PLXNB1: variants seen among roughly 807,000 people sequenced by gnomAD.
PLXNB1 encodes the protein plexin-B1.
Under a neutral mutation model 209.4 loss-of-function variants are expected in PLXNB1, and 106 were observed. That is an observed-to-expected ratio of 0.51 (90% CI 0.43 to 0.59). PLXNB1 has a LOEUF of 0.59. PLXNB1 is among the 20% of genes least tolerant of loss of function. PLXNB1 has a pLI of 0.00. For missense variants in PLXNB1, 2,357 were observed against 2,853.2 expected, an observed-to-expected ratio of 0.83 and a Z score of 3.96; for synonymous variants, 1,167 against 1,183.2, an observed-to-expected ratio of 0.99 and a Z score of 0.28.
At position 48,405,635 on chromosome 3, in the gene PLXNB1, C is replaced by A; in HGVS notation, c.6303+89G>T. 1 of 1,024,882 alleles carries A rather than the reference C, an allele frequency of 9.8e-7. No individual in the cohort carries two copies. The highest frequency in any genetic ancestry group is 2.0e-5 in the Admixed American group (1 of 49,522). 63.5% of individuals were successfully genotyped at this position (1,024,882 alleles called of 1,614,324 possible). ...ACTCTGTCCCTGGGGAAGACCAAAGCCCCCAACGTGAGTCACAGGGTCAGA... is the reference window on the plus strand; with the variant it reads ...ACTCTGTCCCTGGGGAAGACCAAAGACCCCAACGTGAGTCACAGGGTCAGA... On this transcript the variant is annotated intron_variant, in intron 37 of 37. Coordinates refer to ENST00000296440, the MANE Select transcript of PLXNB1 (RefSeq NM_001130082.3). This position sits in a 1 kb window ranked among gnomAD's most constrained non-coding sequence, Gnocchi z 5.0.
Position 48,409,272 on chromosome 3 carries a change from A to T in PLXNB1, c.6087+57T>A. Reference sequence around the variant, plus strand: ...TCAGAAAAGCCTGGAATCTGAGTGCACACACAGCACTGTCCACCCTCACCC... The same window carrying T: ...TCAGAAAAGCCTGGAATCTGAGTGCTCACACAGCACTGTCCACCCTCACCC... On this transcript the variant is annotated intron_variant, in intron 34 of 37. Coordinates refer to ENST00000296440, the MANE Select transcript of PLXNB1 (RefSeq NM_001130082.3). The surrounding 1 kb of genome is among the most constrained non-coding windows in gnomAD (Gnocchi z 5.8). 6.3e-7 allele frequency: 1 copy of T among 1,585,560 alleles called. No homozygotes were observed. The highest frequency in any genetic ancestry group is 8.6e-7 in the Non-Finnish European group (1 of 1,163,108).
rs374536221 is a variant in PLXNB1 at position 48,420,744 on chromosome 3, C to A, written c.1949G>T (p.Gly650Val). Residue 650 changes from glycine to valine, a missense_variant, in exon 10 of 38, where the codon GGG becomes GTG. By Grantham distance (109) the Gly-to-Val change is moderately radical. Transcript: ENST00000296440. ...QCQACVSSRW[G>V]CNWCVWQHLC... ...GTGCTGCCAGACACACCAGTTACAC[C>A]CCCAGCGGCTGCTCACACAGGCCTG... 2.5e-6 allele frequency: 4 copies of A among 1,614,012 alleles called. No individual in the cohort carries two copies. The African/African-American group carries it at 5.3e-5, about 22-fold the overall frequency.
At position 48,407,087 on chromosome 3, in the gene PLXNB1, G is replaced by A; in HGVS notation, c.6092C>T (p.Ser2031Phe). Reference protein sequence around the residue: ...TLADHKLGRDSPINKLLYARD... With the variant: ...TLADHKLGRDFPINKLLYARD... ...TGCATACAGAAGTTTGTTGATCGGG[G>A]AGTCCTGGACATAGCAGGAGGACAG... The change falls in exon 35 of 38, where the codon TCC (serine) becomes TTC (phenylalanine). Residue 2031 changes from serine to phenylalanine, a missense_variant. By Grantham distance (155) the Ser-to-Phe change is radical. Coordinates refer to ENST00000296440, the MANE Select transcript of PLXNB1 (RefSeq NM_001130082.3). 2 of 1,614,050 alleles carry A rather than the reference G, an allele frequency of 1.2e-6. No individual in the cohort carries two copies. Among genetic ancestry groups the A allele is most frequent in the Non-Finnish European group, 1.7e-6 (2 of 1,179,934 alleles).
chr3:48,420,547 C>A (rs1028723935), intron 10 of PLXNB1, 118 bp downstream of exon 10: 42 of 792,956 alleles, frequency 5.3e-5, no homozygotes, highest in Non-Finnish European at 7.1e-5. Flanking sequence ...TCACATACAG[C>A]GGCTCTGGTG....
At chr3:48,427,777 C>T (rs927659615) in intron 1 of PLXNB1, among the ~76,000 whole-genome samples, 1 of 152,212 alleles carries the variant, frequency 6.6e-6, no homozygotes, top group Non-Finnish European at 1.5e-5. Flanking sequence ...CATCCTCTCC[C>T]TGGGGAGCCT....
Position 48,416,510 on chromosome 3 carries a change from C to T in PLXNB1, c.3375-59G>A. 2 of 1,131,194 alleles carry T rather than the reference C, an allele frequency of 1.8e-6. No individual in the cohort carries two copies. 70.1% of individuals were successfully genotyped at this position (1,131,194 alleles called of 1,614,324 possible). On this transcript the variant is annotated intron_variant, in intron 16 of 37. Transcript: ENST00000296440. This position sits in a 1 kb window ranked among gnomAD's most constrained non-coding sequence, Gnocchi z 4.1. ...CTGCATCAAGGGCCCCTCAAGCTTA[C>T]CTGGCAGCCCCTCTCCCTGCCCTAC...
chr3:48,420,120 C>T lies in PLXNB1; in HGVS notation c.2166G>A (p.Ser722=), dbSNP rs553300699. 11 of 1,611,616 alleles carry T rather than the reference C, an allele frequency of 6.8e-6. No homozygotes were observed. Among genetic ancestry groups the T allele is most frequent in the South Asian group, 6.6e-5 (6 of 90,942 alleles). Residue 722 remains serine, a synonymous_variant, in exon 11 of 38, where the codon TCG becomes TCA. Coordinates refer to ENST00000296440, the MANE Select transcript of PLXNB1 (RefSeq NM_001130082.3). ...EPGAPSTATA[S]DISPGASPSL... is the part of the protein sequence containing the mutation. ...AAGGACTAGCCCCAGGTGAGATGTC[C>T]GAAGCTGTGGCTGTGGAGGGAGCCC...
chr3:48,423,405 A>T, intron 3 of PLXNB1, 100 bp downstream of exon 3: 1 of 1,309,250 alleles, frequency 7.6e-7, no homozygotes, highest in Non-Finnish European at 1.1e-6. Flanking sequence ...TCCTCGTGCT[A>T]CCACCAGCTG....
Position 48,409,481 on chromosome 3 carries a change from G to A in PLXNB1, c.5940-5C>T, listed in dbSNP as rs367725248. On this transcript the variant is annotated splice_polypyrimidine_tract_variant and splice_region_variant and intron_variant, in intron 33 of 37. Coordinates refer to ENST00000296440, the MANE Select transcript of PLXNB1 (RefSeq NM_001130082.3). This position sits in a 1 kb window ranked among gnomAD's most constrained non-coding sequence, Gnocchi z 5.8. ...ATCCAGAACCTCAGAGGCAAGCTGCGGGTGGGGCAGGCATGGCCGATGAAT... is the reference window on the plus strand; with the variant it reads ...ATCCAGAACCTCAGAGGCAAGCTGCAGGTGGGGCAGGCATGGCCGATGAAT... The A allele has an allele frequency of 3.9e-5, 63 of 1,613,978 alleles. No homozygotes were observed. The highest frequency in any genetic ancestry group is 3.3e-4 in the Middle Eastern group (2 of 6,084).
chr3:48,418,032 C>G lies in PLXNB1; in HGVS notation c.3253G>C (p.Gly1085Arg). Residue 1085 changes from glycine (G) to arginine (R), a missense_variant, in exon 16 of 38, where the codon GGC becomes CGC. Coordinates refer to ENST00000296440, the MANE Select transcript of PLXNB1 (RefSeq NM_001130082.3). This position sits in a 1 kb window ranked among gnomAD's most constrained non-coding sequence, Gnocchi z 6.6. Reference protein sequence around the residue: ...VEPLTGPVDGGTRVTIRGSNL... With the variant: ...VEPLTGPVDGRTRVTIRGSNL... ...GAGCCCCTGATGGTGACACGGGTGC[C>G]TCCGTCTACAGGCCCAGTCAGTGGC... The G allele has an allele frequency of 2.5e-6, 4 of 1,613,476 alleles. No homozygotes were observed. The highest frequency in any genetic ancestry group is 3.4e-6 in the Non-Finnish European group (4 of 1,179,990).
chr3:48,412,149 T>C lies in PLXNB1; in HGVS notation c.5100+89A>G, dbSNP rs1240341194. On this transcript the variant is annotated intron_variant, in intron 27 of 37. Coordinates refer to ENST00000296440, the MANE Select transcript of PLXNB1 (RefSeq NM_001130082.3). The stretch of plus-strand genomic sequence containing the variant: ...GCAGGAGTCTCTGCTCTGGCACAAG[T>C]GTCCGAGCTGCATGGTGGCTGAGGG... 8.7e-6 allele frequency: 13 copies of C among 1,499,516 alleles called. No homozygotes were observed. In the East Asian group the frequency reaches 2.9e-4, roughly 34 times the overall value. 92.9% of individuals were successfully genotyped at this position (1,499,516 alleles called of 1,614,324 possible). A position where few individuals can be genotyped will look rare whatever the true frequency, so the allele number is the denominator to read the frequency against.
At position 48,405,209 on chromosome 3, in the gene PLXNB1, A is replaced by G. The variant is rs1274689692; in HGVS notation, c.6303+515T>C. Among the ~76,000 whole-genome samples the G allele has an allele frequency of 6.6e-6, 1 of 152,184 alleles. No homozygotes were observed. The highest frequency in any genetic ancestry group is 1.5e-5 in the Non-Finnish European group (1 of 68,024). On this transcript the variant is annotated intron_variant, in intron 37 of 37. Coordinates refer to ENST00000296440, the MANE Select transcript of PLXNB1 (RefSeq NM_001130082.3). The surrounding 1 kb of genome is among the most constrained non-coding windows in gnomAD (Gnocchi z 5.0). ...GCAATAGCCATGTCACTGGTGCCAC[A>G]CAAACATCTAAGTGGACTATTCCAC...
In PLXNB1 at chr3:48,423,672, C is replaced by T; in HGVS notation, c.940G>A (p.Gly314Arg). Residue 314 changes from glycine (G) to arginine (R), a missense_variant, in exon 3 of 38, where the codon GGG (glycine) becomes AGG (arginine). By Grantham distance (125) the Gly-to-Arg change is moderately radical (BLOSUM62 -2). Transcript: ENST00000296440. ...CAGAGGGCAGAGGCTCCAGATGCCC[C>T]AGCAGCCGCCGATGGGGGCCGGCCC... ...TVGRPPSAAA[G>R]ASGASALCAF... The T allele has an allele frequency of 6.2e-7, 1 of 1,613,348 alleles. No individual in the cohort carries two copies. Among genetic ancestry groups the T allele is most frequent in the Non-Finnish European group, 8.5e-7 (1 of 1,179,834 alleles).
Position 48,404,607 on chromosome 3 carries a change from T to C in PLXNB1, c.6304-17A>G, listed in dbSNP as rs752358457. The C allele has an allele frequency of 1.9e-6, 3 of 1,562,410 alleles. No individual in the cohort carries two copies. Among genetic ancestry groups the C allele is most frequent in the Admixed American group, 1.7e-5 (1 of 58,438 alleles). On this transcript the variant is annotated splice_polypyrimidine_tract_variant and intron_variant, in intron 37 of 37. Coordinates refer to ENST00000296440, the MANE Select transcript of PLXNB1 (RefSeq NM_001130082.3). ...AGTGATGATCTGAAACAGAGACCAATGCCATCAGGGGAGACTTCTTTGGCC... is the reference window on the plus strand; with the variant it reads ...AGTGATGATCTGAAACAGAGACCAACGCCATCAGGGGAGACTTCTTTGGCC...
In PLXNB1 at chr3:48,404,462, C is replaced by T. The variant is rs370593111; in HGVS notation, c.*24G>A. 263 of 1,527,322 alleles carry T rather than the reference C, an allele frequency of 1.7e-4. No homozygotes were observed. Among genetic ancestry groups the T allele is most frequent in the Non-Finnish European group, 2.2e-4 (248 of 1,104,344 alleles). 94.6% of individuals were successfully genotyped at this position (1,527,322 alleles called of 1,614,324 possible). On this transcript the variant is annotated 3_prime_UTR_variant, in exon 38 of 38. Coordinates refer to ENST00000296440, the MANE Select transcript of PLXNB1 (RefSeq NM_001130082.3). The stretch of plus-strand genomic sequence containing the variant: ...GGCTGCCCAGGCCAGGCTGAAGCAA[C>T]AGCAGGCCGTGGCTCCTGGGTTCCT...
Position 48,413,217 on chromosome 3 carries a change from GC to G in PLXNB1, c.4536-49del. The stretch of plus-strand genomic sequence containing the variant: ...GAGGATGGCCAGATGAGTCCTACTC[GC>G]CCAGGCCTGCCTGACAATCCCCAGG... On this transcript the variant is annotated intron_variant, in intron 23 of 37. Coordinates refer to ENST00000296440, the MANE Select transcript of PLXNB1 (RefSeq NM_001130082.3). The surrounding 1 kb of genome is among the most constrained non-coding windows in gnomAD (Gnocchi z 5.4). The G allele has an allele frequency of 7.0e-7, 1 of 1,424,150 alleles. No individual in the cohort carries two copies. The allele number at this position is 1,424,150 out of a possible 1,614,324, so 88.2% of individuals were successfully genotyped here.
rs1366270038 is a variant in PLXNB1, at chr3:48,420,945, C to T, written c.1822G>A (p.Val608Met). 8.7e-6 allele frequency: 14 copies of T among 1,612,934 alleles called. No individual in the cohort carries two copies. Among genetic ancestry groups the T allele is most frequent in the Admixed American group, 1.7e-5 (1 of 59,976 alleles). Residue 608 changes from valine (V) to methionine (M), a missense_variant, in exon 9 of 38, where the codon GTG becomes ATG. Physicochemically the swap from Val to Met is conservative, Grantham distance 21. This residue lies in a region of PLXNB1 where 214 missense variants were observed against 297.1 expected (regional missense o/e 0.72). Coordinates refer to ENST00000296440, the MANE Select transcript of PLXNB1 (RefSeq NM_001130082.3). ...GCGCCAAATCTGAGCTCCACGCTCACGGATACGTAGTCTGCAGAGGGGGAG... is the reference window on the plus strand; with the variant it reads ...GCGCCAAATCTGAGCTCCACGCTCATGGATACGTAGTCTGCAGAGGGGGAG... ...VLPRGADYVS[V>M]SVELRFGAVV...
In PLXNB1 at chr3:48,419,333, A is replaced by G; in HGVS notation, c.2743T>C (p.Cys915Arg). The stretch of plus-strand genomic sequence containing the variant: ...GTGGAGCCCTGAACGCTCTCCACAC[A>G]GGGGCAGGAGCTTGCCCCCAAGGTC... Reference protein sequence around the residue: ...EATLGASSCPCVESVQGSTLM... With the variant: ...EATLGASSCPRVESVQGSTLM... The change falls in exon 12 of 38, where the codon TGT becomes CGT. Residue 915 changes from cysteine (C) to arginine (R), a missense_variant. Transcript: ENST00000296440. The surrounding 1 kb of genome is among the most constrained non-coding windows in gnomAD (Gnocchi z 5.7). The G allele has an allele frequency of 6.3e-7, 1 of 1,583,572 alleles. No individual in the cohort carries two copies. The highest frequency in any genetic ancestry group is 8.6e-7 in the Non-Finnish European group (1 of 1,162,132).
chr3:48,419,842 G>A lies in PLXNB1; in HGVS notation c.2444C>T (p.Pro815Leu), dbSNP rs760009703. ...PGPEALHPTV[P>L]LDLPPATVPA... Reference sequence around the variant, plus strand: ...AACAGTGGCAGGGGGCAGGTCCAGGGGCACTGTGGGATGAAGAGCCTCGGG... The same window carrying A: ...AACAGTGGCAGGGGGCAGGTCCAGGAGCACTGTGGGATGAAGAGCCTCGGG... The change falls in exon 11 of 38, where the codon CCC becomes CTC. Residue 815 changes from proline (P) to leucine (L), a missense_variant. By Grantham distance (98) the Pro-to-Leu change is moderately conservative. Transcript: ENST00000296440. This position sits in a 1 kb window ranked among gnomAD's most constrained non-coding sequence, Gnocchi z 5.7. The A allele has an allele frequency of 6.3e-7, 1 of 1,576,036 alleles. No individual in the cohort carries two copies. Among genetic ancestry groups the A allele is most frequent in the Non-Finnish European group, 8.6e-7 (1 of 1,159,492 alleles).
Sources: allele counts gnomAD v4.1 joint callset (sites outside exome capture counted in the v4.1 genomes callset), GRCh38; gene constraint gnomAD v4.1.1; regional missense constraint gnomAD v4.1.1; non-coding constraint Gnocchi (gnomAD v3.1); transcripts MANE v1.5; gene names NCBI Gene and HGNC (gene_info 2026-07-23, HGNC 2026-07-21).